The following FRMPD2 variants were observed in gnomAD, a reference collection of about 807,000 sequenced individuals.
FRMPD2 encodes FERM and PDZ domain-containing protein 2.
In FRMPD2, 96 loss-of-function variants were observed where a neutral mutation model predicts 140.1. The ratio of observed to expected loss-of-function variants is 0.69; its 90% CI spans 0.58 to 0.81. FRMPD2 has a LOEUF of 0.81. FRMPD2 is among the 40% of genes least tolerant of loss of function. FRMPD2 has a pLI of 0.00. For synonymous variants in FRMPD2, 449 were observed against 547.6 expected (o/e 0.82, Z 2.52); for missense variants, 1,240 against 1,447.4 (o/e 0.86, Z 2.32).
chr10:48,242,870 T>A (rs1840157459), intron 4 of FRMPD2, among the ~76,000 whole-genome samples: 1 of 152,240 alleles, frequency 6.6e-6, no homozygotes, highest in South Asian at 2.1e-4. Context: ...TGGTTGAACT[T>A]TATGTCACGT....
At chr10:48,176,123 G>A (rs1442128846) in intron 22 of FRMPD2, 184 bp from the exon 23 acceptor site, 1 of 586,892 alleles carries the variant, frequency 1.7e-6, no homozygotes, top group Non-Finnish European at 3.1e-6. Flanking sequence ...AATAAGATTA[G>A]GTGTTCATAA....
In FRMPD2 at chr10:48,240,453, G is replaced by T. The variant is rs748831941; in HGVS notation, c.607C>A (p.Gln203Lys). ...RVVEESSSVQQNRSYLLRKRL... is the reference protein window; with the variant it reads ...RVVEESSSVQKNRSYLLRKRL... ...TTCCTGAGCAGGTAGCTTCTGTTCTGCTGCACAGAGGAGCTTTCCTCCACA... is the reference window on the plus strand; with the variant it reads ...TTCCTGAGCAGGTAGCTTCTGTTCTTCTGCACAGAGGAGCTTTCCTCCACA... Residue 203 changes from glutamine (Q) to lysine (K), a missense_variant, in exon 6 of 29, where the codon CAG (glutamine) becomes AAG (lysine). Gln to Lys is a moderately conservative substitution (Grantham distance 53). Transcript: ENST00000374201. 1.2e-6 allele frequency: 2 copies of T among 1,613,708 alleles called. No homozygotes were observed. Among genetic ancestry groups the T allele is most frequent in the Non-Finnish European group, 1.7e-6 (2 of 1,180,050 alleles).
At chr10:48,178,466 T>C (rs1277635597) in intron 21 of FRMPD2, among the ~76,000 whole-genome samples, 1 of 152,222 alleles carries the variant, frequency 6.6e-6, no homozygotes, top group Admixed American at 6.5e-5. Context: ...CTTTACTTAG[T>C]GCTTTCTAAT....
At chr10:48,189,986 G>A (rs1482109063) in intron 16 of FRMPD2, among the ~76,000 whole-genome samples, 1 of 152,166 alleles carries the variant, frequency 6.6e-6, no homozygotes, top group Non-Finnish European at 1.5e-5. Flanking sequence ...GAGGCCTGGG[G>A]TGTTGAATAA....
rs1840210586 is a variant in FRMPD2 at position 48,244,947 on chromosome 10, T to C, written c.310-98A>G. 3 of 931,716 alleles carry C rather than the reference T, an allele frequency of 3.2e-6. No individual in the cohort carries two copies. The African/African-American group carries it at 4.9e-5, about 15-fold the overall frequency. The allele number at this position is 931,716 out of a possible 1,614,324, so 57.7% of individuals were successfully genotyped here. A position where few individuals can be genotyped will look rare whatever the true frequency, so the allele number is the denominator to read the frequency against. The stretch of plus-strand genomic sequence containing the variant: ...ATCCAATTTCCACATGAACAGACAC[T>C]GTTGTCTGGCGAGTCTAGCACCATC... On this transcript the variant is annotated intron_variant, in intron 3 of 28. Coordinates refer to ENST00000374201, the MANE Select transcript of FRMPD2 (RefSeq NM_001018071.4).
chr10:48,194,842 G>T (rs1056122418), intron 15 of FRMPD2, among the ~76,000 whole-genome samples: 4 of 152,144 alleles, frequency 2.6e-5, no homozygotes, highest in African/African-American at 9.7e-5. Flanking sequence ...GGCTGACTGG[G>T]TGGACAAACA....
chr10:48,222,420 G>A lies in FRMPD2; in HGVS notation c.1348C>T (p.Gln450Ter), dbSNP rs373912521. The change falls in exon 12 of 29, where the codon CAG becomes TAG. Residue 450 changes from glutamine to a stop codon, truncating the protein, a stop_gained. Coordinates refer to ENST00000374201, the MANE Select transcript of FRMPD2 (RefSeq NM_001018071.4). LOFTEE classifies it high-confidence loss of function. ...TCCTCCAGGATATCTTTCCGAAGCTGCAGGTAAAACTGGTGCCTTGTCAGG... is the reference window on the plus strand; with the variant it reads ...TCCTCCAGGATATCTTTCCGAAGCTACAGGTAAAACTGGTGCCTTGTCAGG... ...HSLTRHQFYL[Q>*]LRKDILEERL... 3.1e-5 allele frequency: 50 copies of A among 1,614,012 alleles called. No individual in the cohort carries two copies. Among genetic ancestry groups the A allele is most frequent in the Non-Finnish European group, 4.2e-5 (50 of 1,179,984 alleles).
rs1248448714 is a variant in FRMPD2 at position 48,222,445 on chromosome 10, G to T, written c.1323C>A (p.Ser441Arg). The stretch of plus-strand genomic sequence containing the variant: ...GCAGGTAAAACTGGTGCCTTGTCAG[G>T]CTGTGCCTGGAAAAGAAGTAGCAAT... Reference protein sequence around the residue: ...FVSHYGLLQHSLTRHQFYLQL... With the variant: ...FVSHYGLLQHRLTRHQFYLQL... The change falls in exon 12 of 29, where the codon AGC becomes AGA. Residue 441 changes from serine to arginine, a missense_variant. Ser to Arg is a moderately radical substitution (Grantham distance 110). Transcript: ENST00000374201. 6.2e-7 allele frequency: 1 copy of T among 1,613,900 alleles called. No homozygotes were observed. The highest frequency in any genetic ancestry group is 8.5e-7 in the Non-Finnish European group (1 of 1,179,874).
intron 20 of FRMPD2, 102 bp from the exon 21 acceptor site, chr10:48,181,110 G>T: frequency 1.5e-6 from 1 of 680,398 alleles, no homozygotes; most frequent in Non-Finnish European, 2.7e-6. Context: ...CAGAGTGATC[G>T]TTTATAGCTG....
chr10:48,227,225 C>CTT (rs372131698), intron 10 of FRMPD2, among the ~76,000 whole-genome samples: 1 of 151,592 alleles, frequency 6.6e-6, no homozygotes, highest in African/African-American at 2.4e-5. Flanking sequence ...AGAAATCGCT[C>CTT]TTTTTTTTTG....
intron 14 of FRMPD2, among the ~76,000 whole-genome samples, chr10:48,205,697 A>G (rs926015094): frequency 5.9e-5 from 9 of 152,194 alleles, no homozygotes; most frequent in African/African-American, 1.9e-4. Context: ...AAAAAAAGTC[A>G]ATTTCCTGAT....
intron 4 of FRMPD2, among the ~76,000 whole-genome samples, chr10:48,242,893 C>A (rs1840158530): frequency 6.6e-6 from 1 of 152,218 alleles, no homozygotes; most frequent in African/African-American, 2.4e-5. Flanking sequence ...ACACATCGAG[C>A]AAAAGAAAAC....
intron 7 of FRMPD2, 97 bp downstream of exon 7, chr10:48,239,508 G>A: frequency 1.2e-6 from 1 of 800,358 alleles, no homozygotes; most frequent in Non-Finnish European, 2.0e-6. Flanking sequence ...GGAGCAAGAG[G>A]CTTCTTACTA....
At chr10:48,177,742 G>A (rs1838446281) in intron 22 of FRMPD2, 1 of 231,254 alleles carries the variant, frequency 4.3e-6, no homozygotes, top group Non-Finnish European at 9.0e-6. Context: ...GCCCCAATGT[G>A]CTTCTCTCTC....
At chr10:48,247,559 C>T (rs1199109028) in intron 3 of FRMPD2, among the ~76,000 whole-genome samples, 1 of 152,238 alleles carries the variant, frequency 6.6e-6, no homozygotes, top group African/African-American at 2.4e-5. Flanking sequence ...CTCTAGAAAG[C>T]TTGCAAGGCT....
rs1364171573 is a variant in FRMPD2 at position 48,198,530 on chromosome 10, T to C, written c.1954+2698A>G. Among the ~76,000 whole-genome samples, 3 of 152,200 alleles carry C rather than the reference T, an allele frequency of 2.0e-5. No homozygotes were observed. In the East Asian group the frequency reaches 5.8e-4, roughly 29 times the overall value. On this transcript the variant is annotated intron_variant, in intron 15 of 28. Transcript: ENST00000374201. ...TTCTGAGCAGCTAACTGGGCCCAAATTTAAAATAGATTGCTTTGGCTATTC... is the reference window on the plus strand; with the variant it reads ...TTCTGAGCAGCTAACTGGGCCCAAACTTAAAATAGATTGCTTTGGCTATTC...
At chr10:48,244,398 C>G (rs997098126) in intron 4 of FRMPD2, among the ~76,000 whole-genome samples, 4 of 152,142 alleles carry the variant, frequency 2.6e-5, no homozygotes, top group African/African-American at 9.7e-5. Flanking sequence ...TCTATTGAGC[C>G]CAGAAGCCTT....
At chr10:48,218,734 C>T (rs999802035) in intron 12 of FRMPD2, among the ~76,000 whole-genome samples, 12 of 152,118 alleles carry the variant, frequency 7.9e-5, no homozygotes, top group Non-Finnish European at 1.8e-4. Context: ...CCATGAAAGG[C>T]AAATGTGACA....
chr10:48,234,485 A>G (rs1396105430), intron 9 of FRMPD2, among the ~76,000 whole-genome samples: 2 of 152,150 alleles, frequency 1.3e-5, no homozygotes, highest in Non-Finnish European at 2.9e-5. Context: ...GCAGAAGGAA[A>G]GGGTGTGTGT....
Sources: gnomAD v4.1 joint callset for allele counts (sites outside exome capture counted in the v4.1 genomes callset) on GRCh38, gnomAD v4.1.1 for gene constraint, MANE v1.5 for transcripts, NCBI Gene and HGNC (gene_info 2026-07-23, HGNC 2026-07-21) for gene names.